Variants in PTPRM observed in about 807,000 individuals in gnomAD.
PTPRM encodes the protein protein tyrosine phosphatase receptor type M.
A neutral mutation model predicts 186.7 loss-of-function variants in PTPRM; 47 were observed. The observed-to-expected ratio is 0.25, with a 90% CI of 0.20 to 0.32. PTPRM has a LOEUF of 0.32. Among genes scored for constraint, PTPRM ranks in the 10% least tolerant of loss-of-function variants. The pLI, the probability that PTPRM is intolerant of heterozygous loss-of-function variation, is 1.00. For synonymous variants in PTPRM, 668 were observed against 674.9 expected (o/e 0.99, Z 0.16); for missense variants, 1,494 against 1,865.0 (o/e 0.80, Z 3.66).
intron 1 of PTPRM, among the ~76,000 whole-genome samples, chr18:7,769,553 C>G (rs2042177015): frequency 6.6e-6 from 1 of 152,156 alleles, no homozygotes; most frequent in Admixed American, 6.5e-5. Context: ...GGTACATGAA[C>G]TTAGTGACTT....
chr18:8,088,395 A>T (rs1030439932), intron 10 of PTPRM, among the ~76,000 whole-genome samples: 3 of 152,248 alleles, frequency 2.0e-5, no homozygotes, highest in African/African-American at 7.2e-5. Flanking sequence ...GAGAATTCAT[A>T]TGTACAGAAA....
At chr18:8,187,450 G>A (rs1018204079) in intron 14 of PTPRM, among the ~76,000 whole-genome samples, 1 of 152,178 alleles carries the variant, frequency 6.6e-6, no homozygotes, top group African/African-American at 2.4e-5. Flanking sequence ...CGTGGGCTGG[G>A]CCTGAACTGC....
chr18:8,342,209 A>G (rs625884), intron 22 of PTPRM, among the ~76,000 whole-genome samples: 152,300 of 152,338 alleles, frequency 1, 76,131 homozygotes, highest in Non-Finnish European at 1. Context: ...TGTCACTATT[A>G]TTCAGTGTCC....
intron 1 of PTPRM, among the ~76,000 whole-genome samples, chr18:7,644,104 C>T (rs1168966738): frequency 6.6e-6 from 1 of 152,054 alleles, no homozygotes; most frequent in Non-Finnish European, 1.5e-5. Context: ...AATTGAATTG[C>T]AATGAGTTTA....
At chr18:8,284,107 C>T (rs1417042157) in intron 19 of PTPRM, among the ~76,000 whole-genome samples, 1 of 152,180 alleles carries the variant, frequency 6.6e-6, no homozygotes, top group Non-Finnish European at 1.5e-5. Flanking sequence ...AAAGTCCATT[C>T]TGGTAATGTG....
intron 2 of PTPRM, among the ~76,000 whole-genome samples, chr18:7,783,540 G>T (rs2042952404): frequency 6.6e-6 from 1 of 152,110 alleles, no homozygotes; most frequent in Non-Finnish European, 1.5e-5. Context: ...CAGGGCAGCA[G>T]AACAGTGCCC....
intron 5 of PTPRM, among the ~76,000 whole-genome samples, chr18:7,931,850 C>G (rs2146859372): frequency 6.6e-6 from 1 of 152,246 alleles, no homozygotes; most frequent in East Asian, 1.9e-4. Flanking sequence ...TTGTTTCTCT[C>G]AGGACTTTCT....
chr18:8,100,353 C>A (rs900305795), intron 11 of PTPRM, among the ~76,000 whole-genome samples: 12 of 152,228 alleles, frequency 7.9e-5, no homozygotes, highest in African/African-American at 2.6e-4. Flanking sequence ...GTTGGCCAAG[C>A]TGGTTGTGAA....
rs547664422 is a variant in PTPRM at position 7,715,455 on chromosome 18, A to G, written c.74-58694A>G. 2.5e-3 allele frequency among the ~76,000 whole-genome samples: 378 copies of G among 152,276 alleles called. 1 individual carries two copies. The highest frequency in any genetic ancestry group is 8.5e-3 in the African/African-American group (352 of 41,576). On this transcript the variant is annotated intron_variant, in intron 1 of 32. Coordinates refer to ENST00000580170, the MANE Select transcript of PTPRM (RefSeq NM_001105244.2). Reference sequence around the variant, plus strand: ...CCTTTGAAAACTGGCACAGGACAAGAATGCCCTCTCTCACCACTTCTATTC... The same window carrying G: ...CCTTTGAAAACTGGCACAGGACAAGGATGCCCTCTCTCACCACTTCTATTC...
In PTPRM at chr18:8,252,573, C is replaced by G; in HGVS notation, c.2566+74C>G. On this transcript the variant is annotated intron_variant, in intron 18 of 32. Coordinates refer to ENST00000580170, the MANE Select transcript of PTPRM (RefSeq NM_001105244.2). ...TGTGTGTCTTACTGGTAGATTCTGACAAAGCCAGCTGGTGCTGCTCTGTGC... is the reference window on the plus strand; with the variant it reads ...TGTGTGTCTTACTGGTAGATTCTGAGAAAGCCAGCTGGTGCTGCTCTGTGC... The G allele has an allele frequency of 2.1e-6, 3 of 1,410,082 alleles. No homozygotes were observed. In the South Asian group the frequency reaches 3.4e-5, roughly 16 times the overall value. 87.3% of individuals were successfully genotyped at this position (1,410,082 alleles called of 1,614,324 possible). A position where few individuals can be genotyped will look rare whatever the true frequency, so the allele number is the denominator to read the frequency against.
In PTPRM at chr18:8,379,294, C is replaced by T; in HGVS notation, c.3740C>T (p.Thr1247Ile). 6.2e-7 allele frequency: 1 copy of T among 1,614,034 alleles called. No individual in the cohort carries two copies. Among genetic ancestry groups the T allele is most frequent in the Non-Finnish European group, 8.5e-7 (1 of 1,179,982 alleles). ...PPDRCLPFLI[T>I]IDGESSNYIN... is the part of the protein sequence containing the mutation. ...GACCGCTGCCTGCCCTTCCTCATCACCATCGATGGGGAGAGCAGCAACTAC... is the reference window on the plus strand; with the variant it reads ...GACCGCTGCCTGCCCTTCCTCATCATCATCGATGGGGAGAGCAGCAACTAC... Residue 1247 changes from threonine to isoleucine, a missense_variant, in exon 28 of 33, where the codon ACC (threonine) becomes ATC (isoleucine). Physicochemically the swap from Thr to Ile is moderately conservative, Grantham distance 89. Around this residue, in one of 3 missense-constraint regions of PTPRM, gnomAD observed 1,107 missense variants for 1,350.2 expected, o/e 0.82. Transcript: ENST00000580170.
intron 1 of PTPRM, among the ~76,000 whole-genome samples, chr18:7,766,086 G>A (rs536957093): frequency 2.8e-4 from 42 of 152,236 alleles, no homozygotes; most frequent in Admixed American, 1.5e-3. Context: ...TGAACAGTTC[G>A]TATATAAGCA....
chr18:8,371,597 A>G (rs965359134), intron 24 of PTPRM, among the ~76,000 whole-genome samples: 1 of 152,150 alleles, frequency 6.6e-6, no homozygotes, highest in African/African-American at 2.4e-5. Context: ...GCTCACTCCC[A>G]TACTGGTTTT....
intron 1 of PTPRM, among the ~76,000 whole-genome samples, chr18:7,765,846 C>T (rs2032928939): frequency 6.6e-6 from 1 of 152,046 alleles, no homozygotes; most frequent in South Asian, 2.1e-4. Context: ...AAAAATTTTC[C>T]AGAAAACTCA....
intron 31 of PTPRM, among the ~76,000 whole-genome samples, 193 bp from the exon 32 acceptor site, chr18:8,394,283 T>C (rs1476740683): frequency 6.6e-6 from 1 of 152,178 alleles, no homozygotes; most frequent in Non-Finnish European, 1.5e-5. Flanking sequence ...TCAGGTGACC[T>C]GTGGCCAAAC....
At chr18:8,029,447 C>T (rs1268087436) in intron 7 of PTPRM, among the ~76,000 whole-genome samples, 3 of 152,168 alleles carry the variant, frequency 2.0e-5, no homozygotes, top group Middle Eastern at 3.2e-3. Context: ...CACACCTGTC[C>T]TGCCTGGAGT....
chr18:8,396,330 G>A (rs368967317), intron 32 of PTPRM, among the ~76,000 whole-genome samples: 11 of 152,308 alleles, frequency 7.2e-5, no homozygotes, highest in South Asian at 6.2e-4. Context: ...ATGTAGCCTC[G>A]AGACTCTGGT....
At chr18:7,803,866 A>G (rs2044098381) in intron 2 of PTPRM, among the ~76,000 whole-genome samples, 1 of 152,202 alleles carries the variant, frequency 6.6e-6, no homozygotes, top group Admixed American at 6.5e-5. Context: ...ACTTAGAATT[A>G]TCGGAGCTTA....
At chr18:7,757,900 C>G (rs1283127088) in intron 1 of PTPRM, among the ~76,000 whole-genome samples, 1 of 151,938 alleles carries the variant, frequency 6.6e-6, no homozygotes, top group African/African-American at 2.4e-5. Context: ...TGGTGATGCC[C>G]TTTAGTCATG....
Sources: gnomAD v4.1 joint callset for allele counts (sites outside exome capture counted in the v4.1 genomes callset) on GRCh38, gnomAD v4.1.1 for gene constraint, gnomAD v4.1.1 regional missense constraint, MANE v1.5 for transcripts, NCBI Gene and HGNC (gene_info 2026-07-23, HGNC 2026-07-21) for gene names.